FHIP2B: variants seen among roughly 807,000 people sequenced by gnomAD.
FHIP2B encodes FHF complex subunit HOOK interacting protein 2B.
A neutral mutation model predicts 84.0 loss-of-function variants in FHIP2B; 72 were observed. The ratio of observed to expected loss-of-function variants is 0.86; its 90% CI spans 0.71 to 1.04. FHIP2B has a LOEUF of 1.04. FHIP2B is among the 50% of genes least tolerant of loss of function. The pLI is 0.00. For synonymous variants in FHIP2B, 497 were observed against 418.7 expected (o/e 1.19, Z -2.28); for missense variants, 972 against 968.9 (o/e 1.00, Z -0.04).
In FHIP2B at chr8:22,102,334, A is replaced by G. The variant is rs962705163; in HGVS notation, c.1992+19A>G. 5.6e-6 allele frequency: 9 copies of G among 1,607,194 alleles called. No individual in the cohort carries two copies. The South Asian group carries it at 8.8e-5, about 16-fold the overall frequency. ...GGTGAGGGTGAGGACGCCTCGGCCC[A>G]AGGGAGTGTGCCTAGTGAGGTGGAG... On this transcript the variant is annotated intron_variant, in intron 15 of 16. Transcript: ENST00000289921.
intron 7 of FHIP2B, 50 bp from the exon 8 acceptor site, chr8:22,098,898 C>T (rs1246649930): frequency 1.2e-5 from 18 of 1,469,660 alleles, no homozygotes; most frequent in Non-Finnish European, 1.7e-5. Flanking sequence ...TGAGGAAGAC[C>T]TTGAAGCTCC....
rs377566661 is a variant in FHIP2B at position 22,096,363 on chromosome 8, G to A, written c.151G>A (p.Asp51Asn). 1.9e-6 allele frequency: 3 copies of A among 1,560,932 alleles called. No homozygotes were observed. In the African/African-American group the frequency reaches 4.1e-5, roughly 21 times the overall value. ...TGAAAGCACCCCCGCCAAGAAGACA[G>A]ACATTCCCTGGCGGCTGAAGCAGAT... is the stretch of plus-strand genomic sequence containing the variant. ...TDESTPAKKTDIPWRLKQMLD... is the reference protein window; with the variant it reads ...TDESTPAKKTNIPWRLKQMLD... Residue 51 changes from aspartate to asparagine, a missense_variant, in exon 3 of 17, where the codon GAC becomes AAC. By Grantham distance (23) the Asp-to-Asn change is conservative. Coordinates refer to ENST00000289921, the MANE Select transcript of FHIP2B (RefSeq NM_022749.7).
rs113817175 is a variant in FHIP2B at position 22,102,215 on chromosome 8, G to A, written c.1892G>A (p.Arg631Gln). The change falls in exon 15 of 17, where the codon CGG (arginine) becomes CAG (glutamine). Residue 631 changes from arginine to glutamine, a missense_variant. Physicochemically the swap from Arg to Gln is conservative, Grantham distance 43. Coordinates refer to ENST00000289921, the MANE Select transcript of FHIP2B (RefSeq NM_022749.7). The part of the protein sequence containing the change: ...LNLQVTSVLS[R>Q]LALFPHPHIH... ...CTGCAGGTGACCTCGGTCCTGTCCC[G>A]GCTTGCCCTCTTCCCCCACCCCCAT... The A allele has an allele frequency of 9.3e-3, 15,073 of 1,613,458 alleles. 102 individuals are homozygous for A. The highest frequency in any genetic ancestry group is 0.012 in the Non-Finnish European group (13,684 of 1,179,870).
At chr8:22,098,797 T>G in intron 7 of FHIP2B, 151 bp from the exon 8 acceptor site, 2 of 927,162 alleles carry the variant, frequency 2.2e-6, no homozygotes, top group Non-Finnish European at 3.2e-6. Context: ...GTACTGGTTT[T>G]GCTGCCTCTG....
intron 12 of FHIP2B, 189 bp from the exon 13 acceptor site, chr8:22,101,251 G>A: frequency 1.6e-6 from 1 of 635,708 alleles, no homozygotes; most frequent in Non-Finnish European, 2.7e-6. Flanking sequence ...TCGAACTCCT[G>A]ACCTCAGGTG....
chr8:22,099,610 C>T (rs1825987819), intron 9 of FHIP2B, 94 bp from the exon 10 acceptor site: 1 of 1,397,718 alleles, frequency 7.2e-7, no homozygotes. Context: ...GACATACCAG[C>T]CAAACATGCG....
At chr8:22,101,572 G>T in intron 13 of FHIP2B, 42 bp downstream of exon 13, 1 of 1,589,688 alleles carries the variant, frequency 6.3e-7, no homozygotes, top group African/African-American at 1.3e-5. Flanking sequence ...CTGTCCTTCA[G>T]AACAGCTGGG....
Position 22,100,889 on chromosome 8 carries a change from C to T in FHIP2B, c.1533C>T (p.Ser511=), listed in dbSNP as rs138222967. The change falls in exon 12 of 17, where the codon TCC becomes TCT. Residue 511 remains serine (S), a synonymous_variant. Transcript: ENST00000289921. ...DPYFTDSFLD[S]GFQTPAKPRL... ...ACTTCACCGACAGCTTCCTGGATTC[C>T]GGCTTTCAAACTCCCGCAAAGCCTC... 1,034 of 1,613,908 alleles carry T rather than the reference C, an allele frequency of 6.4e-4. 4 individuals carry two copies. The African/African-American group carries it at 0.011, about 18-fold the overall frequency.
intron 2 of FHIP2B, chr8:22,094,983 A>G (rs1402412435): frequency 3.8e-6 from 3 of 798,146 alleles, no homozygotes; most frequent in Non-Finnish European, 4.6e-6. Flanking sequence ...AAGGTGGGTA[A>G]CATGCCTGGG....
At position 22,099,264 on chromosome 8, in the gene FHIP2B, T is replaced by C. The variant is rs756950679; in HGVS notation, c.1075-20T>C. On this transcript the variant is annotated intron_variant, in intron 8 of 16. Transcript: ENST00000289921. ...GAATTGTAATGAGGGCAAAACACAT[T>C]GGCGCTCTCTGGCACCCAGGTGGTT... The C allele has an allele frequency of 3.1e-6, 5 of 1,612,668 alleles. No individual in the cohort carries two copies. In the South Asian group the frequency reaches 5.5e-5, roughly 18 times the overall value.
chr8:22,091,597 G>C (rs1407344834), intron 1 of FHIP2B, among the ~76,000 whole-genome samples: 1 of 152,176 alleles, frequency 6.6e-6, no homozygotes, highest in African/African-American at 2.4e-5. Flanking sequence ...CTTTGGTTTG[G>C]AGTTATCATA....
At chr8:22,093,172 G>A (rs1489189011) in intron 1 of FHIP2B, among the ~76,000 whole-genome samples, 2 of 152,210 alleles carry the variant, frequency 1.3e-5, no homozygotes. Context: ...TCACGATCCA[G>A]ACAGTTAGTG....
At position 22,103,244 on chromosome 8, in the gene FHIP2B, C is replaced by T; in HGVS notation, c.*313C>T. The T allele has an allele frequency of 3.1e-6, 1 of 324,192 alleles. No individual in the cohort carries two copies. The highest frequency in any genetic ancestry group is 4.8e-5 in the South Asian group (1 of 20,956). 20.1% of individuals were successfully genotyped at this position (324,192 alleles called of 1,614,324 possible). On this transcript the variant is annotated 3_prime_UTR_variant, in exon 17 of 17. Coordinates refer to ENST00000289921, the MANE Select transcript of FHIP2B (RefSeq NM_022749.7). ...TGTGCCTGGCCCCTTCTGTACTGGC[C>T]ATTTGTGGCCAGGGCCAAGCCTGTG...
intron 1 of FHIP2B, chr8:22,089,753 T>A (rs755378130): frequency 1.6e-6 from 2 of 1,265,572 alleles, no homozygotes; most frequent in Admixed American, 2.3e-5. Context: ...CTCGGTCTGA[T>A]CTCCCAGACA....
chr8:22,096,581 G>A, intron 3 of FHIP2B, 72 bp downstream of exon 3: 2 of 1,426,272 alleles, frequency 1.4e-6, no homozygotes, highest in Non-Finnish European at 1.8e-6. Context: ...GCCGAGGTGG[G>A]AGGCCTCTGT....
At chr8:22,102,444 C>T (rs1826177123) in intron 15 of FHIP2B, 84 bp from the exon 16 acceptor site, 2 of 1,526,032 alleles carry the variant, frequency 1.3e-6, no homozygotes, top group Admixed American at 2.0e-5. Flanking sequence ...AGCACAGTCT[C>T]CCATGCTCTG....
intron 3 of FHIP2B, 76 bp from the exon 4 acceptor site, chr8:22,097,440 C>T: frequency 1.5e-6 from 2 of 1,308,448 alleles, no homozygotes; most frequent in Non-Finnish European, 2.1e-6. Flanking sequence ...GGCGCTCTGT[C>T]CCTGGCCTCA....
intron 2 of FHIP2B, 114 bp from the exon 3 acceptor site, chr8:22,096,223 C>G (rs1825757944): frequency 9.5e-7 from 1 of 1,049,290 alleles, no homozygotes; most frequent in Non-Finnish European, 1.3e-6. Flanking sequence ...CTGTCTTCCC[C>G]CACCTCTCCC....
At chr8:22,101,370 G>T (rs1826101451) in intron 12 of FHIP2B, 70 bp from the exon 13 acceptor site, 19 of 1,303,368 alleles carry the variant, frequency 1.5e-5, no homozygotes, top group Non-Finnish European at 1.8e-5. Flanking sequence ...CAGGGAGGGA[G>T]ATGGGGTCCC....
Sources: gnomAD v4.1 joint callset for allele counts (sites outside exome capture counted in the v4.1 genomes callset) on GRCh38, gnomAD v4.1.1 for gene constraint, MANE v1.5 for transcripts, NCBI Gene and HGNC (gene_info 2026-07-23, HGNC 2026-07-21) for gene names.